The following BLTP3A variants were observed in gnomAD, a reference collection of about 807,000 sequenced individuals.
BLTP3A encodes the protein ICBP90 binding protein 1.
chr6:34,863,146 A>G, the BLTP3A span, among the ~76,000 whole-genome samples: 1 of 152,250 alleles, frequency 6.6e-6, no homozygotes, highest in South Asian at 2.1e-4. Flanking sequence ...GATTCAAGCC[A>G]TCTGCCTGCC....
At chr6:34,816,232 TTA>T in the BLTP3A span, among the ~76,000 whole-genome samples, 35 of 152,298 alleles carry the variant, frequency 2.3e-4, no homozygotes, top group African/African-American at 8.4e-4. Context: ...TTGACTGTGT[TTA>T]TGTTTTATTT....
chr6:34,854,169 C>T, the BLTP3A span, among the ~76,000 whole-genome samples: 2 of 152,162 alleles, frequency 1.3e-5, no homozygotes, highest in East Asian at 1.9e-4. Context: ...TTGCAGTGAG[C>T]AGAGTTAGTG....
At chr6:34,877,218 T>C in the BLTP3A span, 1 of 152,672 alleles carries the variant, frequency 6.5e-6, no homozygotes, top group African/African-American at 2.4e-5. Context: ...TACTAAGACA[T>C]GCTCAGGAAA....
At chr6:34,814,048 G>T in the BLTP3A span, among the ~76,000 whole-genome samples, 1 of 147,518 alleles carries the variant, frequency 6.8e-6, no homozygotes, top group African/African-American at 2.5e-5. Context: ...ACAGAGTCTC[G>T]CTATGTCGCC....
chr6:34,866,403 C>G, the BLTP3A span, among the ~76,000 whole-genome samples: 11 of 143,352 alleles, frequency 7.7e-5, no homozygotes, highest in Admixed American at 2.8e-4. Context: ...TATTCCATCT[C>G]AAAAAAAAGA....
At chr6:34,852,751 A>T in the BLTP3A span, among the ~76,000 whole-genome samples, 1 of 143,398 alleles carries the variant, frequency 7.0e-6, no homozygotes, top group East Asian at 2.0e-4. Context: ...TCAGGAATTA[A>T]CAATCCTTGT....
At chr6:34,805,524 C>T in the BLTP3A span, among the ~76,000 whole-genome samples, 7 of 146,836 alleles carry the variant, frequency 4.8e-5, no homozygotes, top group Non-Finnish European at 8.9e-5. Context: ...ACCTGGGAGG[C>T]GGAGGTTGCA....
the BLTP3A span, chr6:34,821,636 A>T: frequency 4.4e-6 from 7 of 1,591,750 alleles, no homozygotes; most frequent in South Asian, 7.9e-5. Flanking sequence ...ATAGCTTCTT[A>T]TCATTACTCT....
chr6:34,836,826 G>A, the BLTP3A span, among the ~76,000 whole-genome samples: 2 of 152,156 alleles, frequency 1.3e-5, no homozygotes, highest in African/African-American at 4.8e-5. Flanking sequence ...GCAAGGTTAT[G>A]TTGTAATCTC....
chr6:34,844,390 TC>T, the BLTP3A span, among the ~76,000 whole-genome samples: 1 of 152,202 alleles, frequency 6.6e-6, no homozygotes, highest in South Asian at 2.1e-4. Flanking sequence ...TTCTCATGCC[TC>T]ACCCTCCCGA....
chr6:34,857,880 AACACTTGG>A, the BLTP3A span: 1 of 1,614,090 alleles, frequency 6.2e-7, no homozygotes, highest in Non-Finnish European at 8.5e-7. Context: ...CAGAAAGATG[AACACTTGG>A]ACATCCGACT....
At chr6:34,843,518 A>G in the BLTP3A span, among the ~76,000 whole-genome samples, 8 of 152,202 alleles carry the variant, frequency 5.3e-5, no homozygotes, top group South Asian at 8.3e-4. Flanking sequence ...ATTTTCATGC[A>G]GGCATACGAT....
the BLTP3A span, chr6:34,867,222 CAG>C: frequency 1.2e-6 from 2 of 1,601,414 alleles, no homozygotes; most frequent in Non-Finnish European, 1.7e-6. Flanking sequence ...CTTTTTCATG[CAG>C]AGTCTGGTCC....
the BLTP3A span, among the ~76,000 whole-genome samples, chr6:34,861,293 T>A: frequency 6.6e-6 from 1 of 152,116 alleles, no homozygotes; most frequent in Non-Finnish European, 1.5e-5. Flanking sequence ...GCCCAGCTAA[T>A]TTTTGTATTT....
chr6:34,834,779 A>G, the BLTP3A span: 1 of 1,614,248 alleles, frequency 6.2e-7, no homozygotes, highest in South Asian at 1.1e-5. Flanking sequence ...GATGCTACAG[A>G]CAATGGTGAT....
chr6:34,827,198 C>A, the BLTP3A span, among the ~76,000 whole-genome samples: 1 of 151,974 alleles, frequency 6.6e-6, no homozygotes, highest in African/African-American at 2.4e-5. Flanking sequence ...GTAGTCCCAG[C>A]TACTCGGGAG....
the BLTP3A span, among the ~76,000 whole-genome samples, chr6:34,825,075 C>G: frequency 6.6e-6 from 1 of 152,170 alleles, no homozygotes; most frequent in African/African-American, 2.4e-5. Context: ...CCACCACACA[C>G]ACATTTTTAA....
chr6:34,869,662 T>TTC, the BLTP3A span, among the ~76,000 whole-genome samples: 1 of 129,086 alleles, frequency 7.7e-6, no homozygotes, highest in African/African-American at 3.1e-5. Context: ...TTTTTTTTTT[T>TTC]TTTTTTGAGG....
the BLTP3A span, among the ~76,000 whole-genome samples, chr6:34,824,331 G>A: frequency 1.3e-5 from 2 of 152,044 alleles, no homozygotes; most frequent in Non-Finnish European, 2.9e-5. Context: ...TCAGGAGTTC[G>A]AGACCAGCCT....
Sources: allele counts gnomAD v4.1 joint callset (sites outside exome capture counted in the v4.1 genomes callset), GRCh38; gene constraint gnomAD v4.1.1; transcripts MANE v1.5; gene names NCBI Gene and HGNC (gene_info 2026-07-23, HGNC 2026-07-21).